Variants in PBX3 observed in about 807,000 individuals in gnomAD.
PBX3 encodes the protein pre-B-cell leukemia transcription factor 3.
In PBX3, 14 loss-of-function variants were observed where a neutral mutation model predicts 48.5. That is an observed-to-expected ratio of 0.29 (90% CI 0.19 to 0.45). PBX3 has a LOEUF of 0.45. Ranked by LOEUF, PBX3 falls within the 20% of genes least tolerant of loss-of-function variation. PBX3 has a pLI of 1.00. For synonymous variants in PBX3, 210 were observed against 200.3 expected (o/e 1.05, Z -0.41); for missense variants, 386 against 546.7 (o/e 0.71, Z 2.93).
At chr9:125,889,763 G>A (rs1176234763) in intron 2 of PBX3, among the ~76,000 whole-genome samples, 1 of 150,394 alleles carries the variant, frequency 6.6e-6, no homozygotes, top group Non-Finnish European at 1.5e-5. Context: ...GCGGCGGGGA[G>A]CGGGGCCGGG....
chr9:125,960,219 T>C (rs541084090), intron 5 of PBX3, among the ~76,000 whole-genome samples: 1 of 152,352 alleles, frequency 6.6e-6, no homozygotes, highest in African/African-American at 2.4e-5. Context: ...CATTATTAAT[T>C]GATGTTACTC....
At chr9:125,777,655 C>T (rs1430215876) in intron 2 of PBX3, among the ~76,000 whole-genome samples, 7 of 151,964 alleles carry the variant, frequency 4.6e-5, no homozygotes, top group Admixed American at 6.6e-5. Flanking sequence ...TGAGCCACCA[C>T]GCCCAGCCTA....
chr9:125,853,603 A>G (rs1839640029), intron 2 of PBX3, among the ~76,000 whole-genome samples: 2 of 152,206 alleles, frequency 1.3e-5, no homozygotes, highest in Non-Finnish European at 2.9e-5. Context: ...AAAAGAAAGG[A>G]AAATCCATCT....
chr9:125,868,925 G>T (rs1336575220), intron 2 of PBX3, among the ~76,000 whole-genome samples: 1 of 152,018 alleles, frequency 6.6e-6, no homozygotes, highest in South Asian at 2.1e-4. Context: ...AGGGCCACAG[G>T]CTCACAATTA....
intron 2 of PBX3, among the ~76,000 whole-genome samples, chr9:125,889,823 C>A (rs1172075542): frequency 9.4e-5 from 14 of 148,336 alleles, no homozygotes; most frequent in African/African-American, 3.2e-4. Flanking sequence ...GATCGCCGTC[C>A]GCCGCTCCGC....
intron 2 of PBX3, among the ~76,000 whole-genome samples, chr9:125,767,746 T>C (rs188799299): frequency 6.6e-6 from 1 of 152,220 alleles, no homozygotes; most frequent in Non-Finnish European, 1.5e-5. Flanking sequence ...TATCCAAATT[T>C]GTAACTGCAA....
At chr9:125,764,799 A>G (rs920308138) in intron 2 of PBX3, among the ~76,000 whole-genome samples, 1 of 152,050 alleles carries the variant, frequency 6.6e-6, no homozygotes. Flanking sequence ...GCTTGTTTTT[A>G]TATTTTATTT....
intron 2 of PBX3, among the ~76,000 whole-genome samples, chr9:125,760,963 T>C (rs1235116961): frequency 6.6e-6 from 1 of 152,214 alleles, no homozygotes; most frequent in Non-Finnish European, 1.5e-5. Flanking sequence ...GTGCCATTTA[T>C]GATATGTTGT....
intron 2 of PBX3, among the ~76,000 whole-genome samples, chr9:125,857,521 A>T (rs759845343): frequency 3.9e-5 from 6 of 152,068 alleles, no homozygotes; most frequent in Non-Finnish European, 8.8e-5. Context: ...CCTCTCTCCC[A>T]TCTGACCCCC....
chr9:125,841,609 T>C (rs1839292026), intron 2 of PBX3, among the ~76,000 whole-genome samples: 1 of 152,096 alleles, frequency 6.6e-6, no homozygotes, highest in Admixed American at 6.6e-5. Context: ...AGGAAAAGAG[T>C]GAAGTCTCTG....
Position 125,768,127 on chromosome 9 carries a change from G to T in PBX3, c.274+19504G>T, listed in dbSNP as rs553232647. Among the ~76,000 whole-genome samples, 16 of 152,118 alleles carry T rather than the reference G, an allele frequency of 1.1e-4. 1 individual carries two copies. In the South Asian group the frequency reaches 3.1e-3, roughly 30 times the overall value. On this transcript the variant is annotated intron_variant, in intron 2 of 8. Coordinates refer to ENST00000373489, the MANE Select transcript of PBX3 (RefSeq NM_006195.6). ...ACCTAGATGATATAAGGTCCTTGGG[G>T]GTGGTGGGGGGCAAGTTTGTCTTTT...
At chr9:125,748,735 C>G (rs538430704) in intron 2 of PBX3, 112 bp downstream of exon 2, 1 of 711,522 alleles carries the variant, frequency 1.4e-6, no homozygotes, top group Non-Finnish European at 2.4e-6. Context: ...CATCTTTGAT[C>G]ATTCTCTCCT....
chr9:125,806,004 G>C (rs940099369), intron 2 of PBX3, among the ~76,000 whole-genome samples: 1 of 152,128 alleles, frequency 6.6e-6, no homozygotes, highest in Non-Finnish European at 1.5e-5. Flanking sequence ...ATGTATCTAT[G>C]TATCCATCTC....
rs184463968 is a variant in PBX3 at position 125,888,318 on chromosome 9, C to G, written c.275-27368C>G. On this transcript the variant is annotated intron_variant, in intron 2 of 8. Transcript: ENST00000373489. The stretch of plus-strand genomic sequence containing the variant: ...ACTGAATTATTTTCAGTTATTGTAC[C>G]TATATTTAATTAAGCCAGTAAAGAC... 3.9e-5 allele frequency among the ~76,000 whole-genome samples: 6 copies of G among 152,118 alleles called. No individual in the cohort carries two copies. In the South Asian group the frequency reaches 1.0e-3, roughly 26 times the overall value.
chr9:125,802,758 A>G (rs1049531859), intron 2 of PBX3, among the ~76,000 whole-genome samples: 1 of 151,446 alleles, frequency 6.6e-6, no homozygotes, highest in African/African-American at 2.4e-5. Flanking sequence ...GGCTCAGTGC[A>G]ACCTCCGCCT....
chr9:125,855,810 G>A (rs80094067), intron 2 of PBX3, among the ~76,000 whole-genome samples: 3,091 of 152,114 alleles, frequency 0.02, 114 homozygotes, highest in African/African-American at 0.069. Flanking sequence ...CCCCCTTCAC[G>A]TATCCTGGGA....
In PBX3 at chr9:125,966,783, T is replaced by C. The variant is rs1482977732; in HGVS notation, c.*860T>C. The C allele has an allele frequency of 4.6e-5, 7 of 152,676 alleles. No homozygotes were observed. The highest frequency in any genetic ancestry group is 4.6e-4 in the Admixed American group (7 of 15,284). 9.5% of individuals were successfully genotyped at this position (152,676 alleles called of 1,614,324 possible). A position where few individuals can be genotyped will look rare whatever the true frequency, so the allele number is the denominator to read the frequency against. On this transcript the variant is annotated 3_prime_UTR_variant, in exon 9 of 9. Coordinates refer to ENST00000373489, the MANE Select transcript of PBX3 (RefSeq NM_006195.6). ...CACAGCTTTATTACCTCATGCGAAC[T>C]CATACAAACCAATAGAATTTCAACA...
intron 2 of PBX3, among the ~76,000 whole-genome samples, chr9:125,846,698 T>C (rs560987985): frequency 2.6e-5 from 4 of 152,194 alleles, no homozygotes; most frequent in Admixed American, 2.6e-4. Context: ...TTATTTCACC[T>C]GTAAATATTT....
At chr9:125,756,807 C>T (rs10986881) in intron 2 of PBX3, among the ~76,000 whole-genome samples, 3,038 of 152,196 alleles carry the variant, frequency 0.02, 170 homozygotes, top group East Asian at 0.17. Flanking sequence ...GCTGTGAAGA[C>T]GACTTTTAGT....
Sources: gnomAD v4.1 joint callset for allele counts (sites outside exome capture counted in the v4.1 genomes callset) on GRCh38, gnomAD v4.1.1 for gene constraint, MANE v1.5 for transcripts, NCBI Gene and HGNC (gene_info 2026-07-23, HGNC 2026-07-21) for gene names.